RXFP1: variants seen among roughly 807,000 people sequenced by gnomAD.
RXFP1 encodes relaxin family peptide receptor 1.
A neutral mutation model predicts 89.8 loss-of-function variants in RXFP1; 73 were observed. That is an observed-to-expected ratio of 0.81 (90% CI 0.67 to 0.99). The LOEUF is 0.99. Ranked by LOEUF, RXFP1 falls within the 50% of genes least tolerant of loss-of-function variation. The pLI is 0.00. For synonymous variants in RXFP1, 277 were observed against 305.5 expected, an observed-to-expected ratio of 0.91 and a Z score of 0.97; for missense variants, 793 against 895.5, an observed-to-expected ratio of 0.89 and a Z score of 1.46.
At chr4:158,609,774 T>A (rs1270511748) in intron 6 of RXFP1, among the ~76,000 whole-genome samples, 1 of 152,174 alleles carries the variant, frequency 6.6e-6, no homozygotes, top group African/African-American at 2.4e-5. Context: ...CCAGAATCAA[T>A]ATTGGACTCA....
chr4:158,643,118 A>C (rs1272148700), intron 14 of RXFP1, among the ~76,000 whole-genome samples: 2 of 152,154 alleles, frequency 1.3e-5, no homozygotes, highest in African/African-American at 2.4e-5. Flanking sequence ...GTGGTTGACA[A>C]AGAAAAGGAA....
rs539202095 is a variant in RXFP1 at position 158,643,070 on chromosome 4, C to T, written c.1116-1839C>T. 1.2e-4 allele frequency among the ~76,000 whole-genome samples: 19 copies of T among 152,276 alleles called. 1 individual carries two copies. In the Middle Eastern group the frequency reaches 0.01, roughly 82 times the overall value. ...TTCATTATGCAGATGGGTTCTCTAC[C>T]TGTTTGGCACCATGTTGTCTGCTTC... On this transcript the variant is annotated intron_variant, in intron 14 of 17. Transcript: ENST00000307765.
At chr4:158,524,868 A>C (rs1742098656) in intron 1 of RXFP1, among the ~76,000 whole-genome samples, 1 of 152,170 alleles carries the variant, frequency 6.6e-6, no homozygotes, top group Non-Finnish European at 1.5e-5. Flanking sequence ...TAGGCAGGAA[A>C]CAAGTGAAGA....
intron 8 of RXFP1, among the ~76,000 whole-genome samples, chr4:158,615,359 A>G (rs1764347778): frequency 6.6e-6 from 1 of 152,278 alleles, no homozygotes; most frequent in East Asian, 1.9e-4. Flanking sequence ...CAACATGCTG[A>G]AACTCCATCT....
At chr4:158,592,607 T>C (rs889011100) in intron 2 of RXFP1, among the ~76,000 whole-genome samples, 4 of 152,114 alleles carry the variant, frequency 2.6e-5, no homozygotes, top group Non-Finnish European at 5.9e-5. Flanking sequence ...ATAAAAAAAG[T>C]TAATAATCAT....
chr4:158,573,083 A>G (rs1579731414), intron 2 of RXFP1: 2 of 328,544 alleles, frequency 6.1e-6, no homozygotes, highest in Non-Finnish European at 1.1e-5. Flanking sequence ...ATCTCGGCTC[A>G]CTGCAACCTC....
At chr4:158,523,932 C>G (rs1202666916) in intron 1 of RXFP1, among the ~76,000 whole-genome samples, 1 of 152,140 alleles carries the variant, frequency 6.6e-6, no homozygotes, top group Non-Finnish European at 1.5e-5. Flanking sequence ...TATCCACTTT[C>G]CTGTAACGGG....
intron 2 of RXFP1, among the ~76,000 whole-genome samples, chr4:158,578,613 G>C (rs1756717774): frequency 6.6e-6 from 1 of 152,150 alleles, no homozygotes; most frequent in Non-Finnish European, 1.5e-5. Context: ...TTCTAGATTA[G>C]AATTTGCTCT....
chr4:158,541,489 T>G (rs1406243020), intron 1 of RXFP1, among the ~76,000 whole-genome samples: 1 of 152,076 alleles, frequency 6.6e-6, no homozygotes, highest in African/African-American at 2.4e-5. Flanking sequence ...TTTTAAAACT[T>G]GGAAACTATT....
chr4:158,603,695 G>C lies in RXFP1; in HGVS notation c.393-1373G>C, dbSNP rs1025715599. ...TCACAAGGTCAGGAGTTCGAGACCA[G>C]CCTGACCAACATGGTGAAACCCCAT... On this transcript the variant is annotated intron_variant, in intron 4 of 17. Coordinates refer to ENST00000307765, the MANE Select transcript of RXFP1 (RefSeq NM_021634.4). 5.9e-5 allele frequency among the ~76,000 whole-genome samples: 9 copies of C among 151,818 alleles called. No homozygotes were observed. The South Asian group carries it at 1.7e-3, about 28-fold the overall frequency.
intron 1 of RXFP1, among the ~76,000 whole-genome samples, chr4:158,544,965 T>C (rs1747870263): frequency 6.6e-6 from 1 of 152,016 alleles, no homozygotes; most frequent in Non-Finnish European, 1.5e-5. Context: ...ATATACCCAG[T>C]AATGGGATGG....
chr4:158,546,740 C>A (rs1748529982), intron 1 of RXFP1, among the ~76,000 whole-genome samples: 1 of 152,024 alleles, frequency 6.6e-6, no homozygotes, highest in Non-Finnish European at 1.5e-5. Flanking sequence ...TGTTTATATG[C>A]TGGATTACGT....
chr4:158,608,019 G>A lies in RXFP1; in HGVS notation c.512G>A (p.Arg171Lys), dbSNP rs1762829492. 1 of 1,607,244 alleles carries A rather than the reference G, an allele frequency of 6.2e-7. No homozygotes were observed. Residue 171 changes from arginine to lysine, a missense_variant, in exon 6 of 18, where the codon AGA becomes AAA. Arg to Lys is a conservative substitution (Grantham distance 26, BLOSUM62 2). Coordinates refer to ENST00000307765, the MANE Select transcript of RXFP1 (RefSeq NM_021634.4). ...KITSISIYAF[R>K]GLNSLTKLYL... ...ACATCCATCTCCATCTATGCTTTCAGAGGACTGAATAGCCTTACTAAACTG... is the reference window on the plus strand; with the variant it reads ...ACATCCATCTCCATCTATGCTTTCAAAGGACTGAATAGCCTTACTAAACTG...
chr4:158,586,284 T>G (rs771111257), intron 2 of RXFP1, among the ~76,000 whole-genome samples: 1 of 152,260 alleles, frequency 6.6e-6, no homozygotes, highest in Non-Finnish European at 1.5e-5. Flanking sequence ...TCATGCAGCA[T>G]GCAAGATCAG....
At chr4:158,608,896 GT>G (rs368351760) in intron 6 of RXFP1, among the ~76,000 whole-genome samples, 14 of 152,252 alleles carry the variant, frequency 9.2e-5, no homozygotes, top group African/African-American at 3.4e-4. Context: ...AAAATATGTA[GT>G]TTTTTGTGTC....
intron 1 of RXFP1, among the ~76,000 whole-genome samples, chr4:158,563,431 C>T (rs1367250652): frequency 6.6e-6 from 1 of 151,564 alleles, no homozygotes; most frequent in Non-Finnish European, 1.5e-5. Flanking sequence ...ACCTCAAAGA[C>T]TTTAATTCAT....
chr4:158,605,180 A>AT, intron 5 of RXFP1, 41 bp downstream of exon 5: 1 of 1,247,240 alleles, frequency 8.0e-7, no homozygotes, highest in Non-Finnish European at 1.2e-6. Flanking sequence ...ATTAACTAGC[A>AT]TTTTTGGCCA....
intron 12 of RXFP1, among the ~76,000 whole-genome samples, chr4:158,636,138 C>A (rs1383918528): frequency 6.6e-6 from 1 of 152,198 alleles, no homozygotes; most frequent in Non-Finnish European, 1.5e-5. Flanking sequence ...TGCTTGTAGT[C>A]CCAGTGAGTT....
chr4:158,545,824 C>A (rs1207417535), intron 1 of RXFP1, among the ~76,000 whole-genome samples: 1 of 152,078 alleles, frequency 6.6e-6, no homozygotes, highest in Non-Finnish European at 1.5e-5. Context: ...TGTTTTGGTA[C>A]CAGTGCCATG....
Sources: gnomAD v4.1 joint callset for allele counts (sites outside exome capture counted in the v4.1 genomes callset) on GRCh38, gnomAD v4.1.1 for gene constraint, MANE v1.5 for transcripts, NCBI Gene and HGNC (gene_info 2026-07-23, HGNC 2026-07-21) for gene names.